The following SHROOM3 variants were observed in gnomAD, a reference collection of about 807,000 sequenced individuals.
SHROOM3 encodes the protein protein Shroom3.
In SHROOM3, 47 loss-of-function variants were observed where a neutral mutation model predicts 138.6. That is an observed-to-expected ratio of 0.34 (90% confidence interval 0.27 to 0.43). SHROOM3 has a LOEUF of 0.43. Ranked by LOEUF, SHROOM3 falls within the 20% of genes least tolerant of loss-of-function variation. The pLI is 1.00. For synonymous variants in SHROOM3, 1,062 were observed against 1,063.3 expected (o/e 1.00, Z 0.02); for missense variants, 2,491 against 2,596.5 (o/e 0.96, Z 0.88).
intron 3 of SHROOM3, chr4:76,716,476 C>G (rs1275512181): frequency 1.9e-6 from 1 of 513,822 alleles, no homozygotes; most frequent in Non-Finnish European, 3.9e-6. Context: ...CAATGACAAG[C>G]CTTTAACAGC....
At chr4:76,768,811 G>A (rs1722248912) in intron 9 of SHROOM3, among the ~76,000 whole-genome samples, 1 of 152,182 alleles carries the variant, frequency 6.6e-6, no homozygotes, top group Non-Finnish European at 1.5e-5. Flanking sequence ...ACTGCGCCCA[G>A]CCTGGATGTG....
intron 2 of SHROOM3, among the ~76,000 whole-genome samples, chr4:76,658,538 A>G (rs1736114993): frequency 6.6e-6 from 1 of 152,218 alleles, no homozygotes; most frequent in Non-Finnish European, 1.5e-5. Flanking sequence ...AAACTGTTTC[A>G]TACCATCCAG....
Position 76,759,671 on chromosome 4 carries a change from A to G in SHROOM3, c.5325A>G (p.Glu1775=). Residue 1775 remains glutamate (E), a synonymous_variant, in exon 9 of 11, where the codon GAA becomes GAG. Transcript: ENST00000296043. ...CAGCAGAAGTGAATGAGGAAGAGGAACAGGCAGATGTCAATGAAAAGAAGG... is the reference window on the plus strand; with the variant it reads ...CAGCAGAAGTGAATGAGGAAGAGGAGCAGGCAGATGTCAATGAAAAGAAGG... ...EMPAEVNEEE[E]QADVNEKKAE... The G allele has an allele frequency of 6.2e-7, 1 of 1,614,146 alleles. No homozygotes were observed. Among genetic ancestry groups the G allele is most frequent in the Non-Finnish European group, 8.5e-7 (1 of 1,180,012 alleles).
At chr4:76,688,683 C>A in intron 2 of SHROOM3, 1 of 985,442 alleles carries the variant, frequency 1.0e-6, no homozygotes, top group Non-Finnish European at 1.2e-6. Flanking sequence ...AGAATATTAA[C>A]TGGACGCCTA....
In SHROOM3 at chr4:76,740,763, G is replaced by C. The variant is rs149009478; in HGVS notation, c.2590G>C (p.Gly864Arg). The change falls in exon 5 of 11, where the codon GGT (glycine) becomes CGT (arginine). Residue 864 changes from glycine to arginine, a missense_variant. By Grantham distance (125) the Gly-to-Arg change is moderately radical. This residue lies in a region of SHROOM3 where 1,733 missense variants were observed against 1,661.6 expected (regional missense o/e 1.04). Transcript: ENST00000296043. This position sits in a 1 kb window ranked among gnomAD's most constrained non-coding sequence, Gnocchi z 4.0. ...GGAAGAGGCTTCCCGGCAGCCCTGC[G>C]GTCAGCAGCTGAGCGGAGGAGCGTC... ...KLEEASRQPCGQQLSGGASDS... is the reference protein window; with the variant it reads ...KLEEASRQPCRQQLSGGASDS... 1 of 1,612,926 alleles carries C rather than the reference G, an allele frequency of 6.2e-7. No homozygotes were observed. Among genetic ancestry groups the C allele is most frequent in the Non-Finnish European group, 8.5e-7 (1 of 1,179,980 alleles).
At chr4:76,480,267 A>T (rs113798881) in intron 1 of SHROOM3, among the ~76,000 whole-genome samples, 7,352 of 152,276 alleles carry the variant, frequency 0.048, 208 homozygotes, top group Middle Eastern at 0.075. Context: ...GACACACATA[A>T]GCTCAAAATA....
chr4:76,667,857 A>T (rs1718747409), intron 2 of SHROOM3, among the ~76,000 whole-genome samples: 1 of 145,778 alleles, frequency 6.9e-6, no homozygotes, highest in Non-Finnish European at 1.5e-5. Context: ...AGTCCTAGCT[A>T]CTCGGGAGGC....
At chr4:76,689,421 G>A (rs1719440771) in intron 2 of SHROOM3, 2 of 696,164 alleles carry the variant, frequency 2.9e-6, no homozygotes, top group Admixed American at 8.0e-5. Flanking sequence ...TGGACTGAGC[G>A]GGCCCGGGCG....
chr4:76,670,937 C>T (rs1718863049), intron 2 of SHROOM3, among the ~76,000 whole-genome samples: 1 of 151,946 alleles, frequency 6.6e-6, no homozygotes, highest in Admixed American at 6.6e-5. Flanking sequence ...CAGAGTAAGA[C>T]CCTGTTTCAA....
chr4:76,491,330 G>A (rs1731845327), intron 1 of SHROOM3, among the ~76,000 whole-genome samples: 1 of 152,214 alleles, frequency 6.6e-6, no homozygotes, highest in Admixed American at 6.5e-5. Context: ...TTCTTGGCCT[G>A]TGTTGGTGGC....
intron 1 of SHROOM3, among the ~76,000 whole-genome samples, chr4:76,529,620 C>T (rs1732789007): frequency 6.6e-6 from 1 of 152,184 alleles, no homozygotes; most frequent in East Asian, 1.9e-4. Flanking sequence ...CCACCGAGCC[C>T]AGCCTGTAGG....
chr4:76,672,352 A>G (rs1365380951), intron 2 of SHROOM3, among the ~76,000 whole-genome samples: 2 of 151,540 alleles, frequency 1.3e-5, no homozygotes, highest in Non-Finnish European at 2.9e-5. Context: ...TTCAGCAGGC[A>G]TATATCTTAA....
At chr4:76,711,775 A>T (rs1204817468) in intron 3 of SHROOM3, among the ~76,000 whole-genome samples, 1 of 152,044 alleles carries the variant, frequency 6.6e-6, no homozygotes, top group Non-Finnish European at 1.5e-5. Flanking sequence ...TAAAAGAAAT[A>T]ATGTTATATA....
At chr4:76,462,487 A>G (rs1731159871) in intron 1 of SHROOM3, among the ~76,000 whole-genome samples, 1 of 152,160 alleles carries the variant, frequency 6.6e-6, no homozygotes, top group South Asian at 2.1e-4. Context: ...ACCACTTGAT[A>G]TGGTTTGGAT....
intron 2 of SHROOM3, among the ~76,000 whole-genome samples, chr4:76,708,346 G>T (rs1010558829): frequency 3.4e-5 from 5 of 149,032 alleles, no homozygotes; most frequent in African/African-American, 1.2e-4. Context: ...GGAAAGGAAA[G>T]AGAAAAGAGC....
At chr4:76,590,430 G>A (rs1235037775) in intron 2 of SHROOM3, among the ~76,000 whole-genome samples, 1 of 151,984 alleles carries the variant, frequency 6.6e-6, no homozygotes, top group African/African-American at 2.4e-5. Context: ...AGAGCTCCGA[G>A]CTCAGGCCTG....
chr4:76,692,086 G>C (rs1314508619), intron 2 of SHROOM3, among the ~76,000 whole-genome samples: 2 of 152,194 alleles, frequency 1.3e-5, no homozygotes, highest in Non-Finnish European at 2.9e-5. Flanking sequence ...CCTCCTGCAG[G>C]ATCACTGAGA....
intron 2 of SHROOM3, among the ~76,000 whole-genome samples, chr4:76,555,996 C>G (rs1248183522): frequency 6.6e-6 from 1 of 152,162 alleles, no homozygotes; most frequent in African/African-American, 2.4e-5. Flanking sequence ...CCAGCAGGTA[C>G]TGGTTTGTCA....
intron 2 of SHROOM3, among the ~76,000 whole-genome samples, chr4:76,661,254 G>A (rs1360984427): frequency 6.7e-6 from 1 of 148,350 alleles, no homozygotes; most frequent in Non-Finnish European, 1.5e-5. Flanking sequence ...TTTCTGAGAC[G>A]GAGTCTCGCT....
Sources: allele counts gnomAD v4.1 joint callset (sites outside exome capture counted in the v4.1 genomes callset), GRCh38; gene constraint gnomAD v4.1.1; regional missense constraint gnomAD v4.1.1; non-coding constraint Gnocchi (gnomAD v3.1); transcripts MANE v1.5; gene names NCBI Gene and HGNC (gene_info 2026-07-23, HGNC 2026-07-21).